The following PRDM6 variants were observed in gnomAD, a reference collection of about 807,000 sequenced individuals.
PRDM6 encodes PR/SET domain 6.
A neutral mutation model predicts 60.8 loss-of-function variants in PRDM6; 25 were observed. That is an observed-to-expected ratio of 0.41 (90% CI 0.30 to 0.57). The LOEUF (loss-of-function observed/expected upper bound fraction) is 0.57. Among genes scored for constraint, PRDM6 ranks in the 20% least tolerant of loss-of-function variants. The pLI, the probability that PRDM6 is intolerant of heterozygous loss-of-function variation, is 0.27. For missense variants in PRDM6, 839 were observed against 821.3 expected (o/e 1.02, Z -0.26); for synonymous variants, 407 against 357.4 (o/e 1.14, Z -1.57).
chr5:123,159,473 C>A (rs77177520), intron 4 of PRDM6, 41 bp from the exon 5 acceptor site: 2 of 1,546,778 alleles, frequency 1.3e-6, no homozygotes, highest in South Asian at 2.4e-5. Flanking sequence ...GCACATGAGT[C>A]CTATGTATTA....
At chr5:123,111,897 C>G (rs1264718151) in intron 3 of PRDM6, among the ~76,000 whole-genome samples, 1 of 152,098 alleles carries the variant, frequency 6.6e-6, no homozygotes, top group Non-Finnish European at 1.5e-5. Flanking sequence ...CTTGCCTTCG[C>G]CCCTGCTACA....
At chr5:123,121,183 C>T (rs1432749456) in intron 3 of PRDM6, among the ~76,000 whole-genome samples, 1 of 152,118 alleles carries the variant, frequency 6.6e-6, no homozygotes, top group Non-Finnish European at 1.5e-5. Flanking sequence ...CCACTTGGCT[C>T]CCAAGCCACC....
intron 1 of PRDM6, 88 bp from the exon 2 acceptor site, chr5:123,089,912 G>T: frequency 2.0e-6 from 2 of 984,924 alleles, no homozygotes; most frequent in South Asian, 3.4e-5. Context: ...CCACCGGCTC[G>T]GGCACTTTCT....
intron 5 of PRDM6, among the ~76,000 whole-genome samples, chr5:123,159,928 T>A (rs1765589882): frequency 6.6e-6 from 1 of 152,230 alleles, no homozygotes; most frequent in Admixed American, 6.5e-5. Context: ...GAGTACCTAC[T>A]ATGTGTCTGG....
Position 123,180,256 on chromosome 5 carries a change from C to T in PRDM6, c.1606C>T (p.Arg536Cys). 1 of 1,551,778 alleles carries T rather than the reference C, an allele frequency of 6.4e-7. No homozygotes were observed. Among genetic ancestry groups the T allele is most frequent in the Non-Finnish European group, 8.7e-7 (1 of 1,147,022 alleles). ...GCCTTTCAAGTGCGGCTACTGTGGT[C>T]GTGCCTTTGCCGGGGCCACCACCCT... ...DRPFKCGYCG[R>C]AFAGATTLNN... The change falls in exon 7 of 8, where the codon CGT becomes TGT. Residue 536 changes from arginine (R) to cysteine (C), a missense_variant. Physicochemically the swap from Arg to Cys is radical, Grantham distance 180. Around this residue, in one of 2 missense-constraint regions of PRDM6, gnomAD observed 109 missense variants for 172.6 expected, o/e 0.63. Coordinates refer to ENST00000407847, the MANE Select transcript of PRDM6 (RefSeq NM_001136239.4).
Position 123,192,428 on chromosome 5 carries a change from A to G in PRDM6, c.*5227A>G, listed in dbSNP as rs976276551. On this transcript the variant is annotated 3_prime_UTR_variant, in exon 8 of 8. Transcript: ENST00000407847. Reference sequence around the variant, plus strand: ...AGAGCTTTTAAAAATTAATAAACACAAGTATAATTTATTTATAAAATGTGT... The same window carrying G: ...AGAGCTTTTAAAAATTAATAAACACGAGTATAATTTATTTATAAAATGTGT... 16 of 152,328 alleles carry G rather than the reference A, an allele frequency of 1.1e-4. No individual in the cohort carries two copies. Among genetic ancestry groups the G allele is most frequent in the Admixed American group, 9.1e-4 (14 of 15,304 alleles). The allele number at this position is 152,328 out of a possible 1,614,324, so 9.4% of individuals were successfully genotyped here. A position where few individuals can be genotyped will look rare whatever the true frequency, so the allele number is the denominator to read the frequency against.
At position 123,100,047 on chromosome 5, in the gene PRDM6, G is replaced by C. The variant is rs532519168; in HGVS notation, c.900+86G>C. ...TTGGCCGGCAGGGAGCCTGGCCTTT[G>C]GCTGTGGCAACTGCGAAGAGAGCCT... is the stretch of plus-strand genomic sequence containing the variant. On this transcript the variant is annotated intron_variant, in intron 3 of 7. Coordinates refer to ENST00000407847, the MANE Select transcript of PRDM6 (RefSeq NM_001136239.4). 116 of 1,366,472 alleles carry C rather than the reference G, an allele frequency of 8.5e-5. 4 individuals carry two copies. The South Asian group carries it at 1.7e-3, about 20-fold the overall frequency. The allele number at this position is 1,366,472 out of a possible 1,614,324, so 84.6% of individuals were successfully genotyped here.
At chr5:123,124,000 A>G (rs1035534441) in intron 3 of PRDM6, among the ~76,000 whole-genome samples, 4 of 152,172 alleles carry the variant, frequency 2.6e-5, no homozygotes, top group Non-Finnish European at 5.9e-5. Context: ...AACGATACTC[A>G]TTAGAGTGAC....
At chr5:123,101,965 G>T (rs559071922) in intron 3 of PRDM6, among the ~76,000 whole-genome samples, 4 of 152,242 alleles carry the variant, frequency 2.6e-5, no homozygotes. Flanking sequence ...ATTGTTCAGG[G>T]CATGTGAGTT....
At chr5:123,131,217 A>G (rs993927122) in intron 3 of PRDM6, among the ~76,000 whole-genome samples, 1 of 152,118 alleles carries the variant, frequency 6.6e-6, no homozygotes, top group Non-Finnish European at 1.5e-5. Flanking sequence ...GGTTTGGTAA[A>G]TGGGCACAAA....
chr5:123,104,042 AT>A lies in PRDM6; in HGVS notation c.900+4086del, dbSNP rs1015891987. 2.5e-4 allele frequency among the ~76,000 whole-genome samples: 38 copies of A among 152,032 alleles called. 1 individual carries two copies. The highest frequency in any genetic ancestry group is 8.4e-4 in the African/African-American group (35 of 41,498). ...TTTGCACTATGTGGAAACCTTCATT[AT>A]TTTTCTTCAGAAAATCAAGGGGGAT... On this transcript the variant is annotated intron_variant, in intron 3 of 7. Coordinates refer to ENST00000407847, the MANE Select transcript of PRDM6 (RefSeq NM_001136239.4).
chr5:123,108,172 G>C (rs1410697187), intron 3 of PRDM6, among the ~76,000 whole-genome samples: 1 of 152,098 alleles, frequency 6.6e-6, no homozygotes, highest in South Asian at 2.1e-4. Context: ...AAAATGAGCA[G>C]TGTTTTTCAC....
chr5:123,112,783 C>CTTTTTTTTTTTTTTTTTTTTTT (rs537426568), intron 3 of PRDM6, among the ~76,000 whole-genome samples: 1 of 47,504 alleles, frequency 2.1e-5, no homozygotes, highest in Non-Finnish European at 3.6e-5. Context: ...TCTAATGGCT[C>CTTTTTTTTTTTTTTTTTTTTTT]TTTTTTTTTT....
chr5:123,151,317 C>G (rs996089011), intron 3 of PRDM6, among the ~76,000 whole-genome samples: 1 of 152,128 alleles, frequency 6.6e-6, no homozygotes, highest in Non-Finnish European at 1.5e-5. Flanking sequence ...GATCCCACTT[C>G]CCCCTCCCCA....
At chr5:123,176,041 A>T (rs13161780) in intron 6 of PRDM6, among the ~76,000 whole-genome samples, 1,880 of 152,252 alleles carry the variant, frequency 0.012, 18 homozygotes, top group Middle Eastern at 0.054. Flanking sequence ...CTTAAGGAGC[A>T]CCTTTCTGTT....
At chr5:123,176,153 C>T (rs993837216) in intron 6 of PRDM6, among the ~76,000 whole-genome samples, 12 of 151,940 alleles carry the variant, frequency 7.9e-5, no homozygotes, top group Admixed American at 3.3e-4. Context: ...GTTTCTCAGG[C>T]GCACTAGCCA....
chr5:123,089,892 G>T (rs947802825), intron 1 of PRDM6, 108 bp from the exon 2 acceptor site: 1 of 813,696 alleles, frequency 1.2e-6, no homozygotes, highest in African/African-American at 1.8e-5. Context: ...CCGGGCGGCC[G>T]CCGGCTGAAC....
intron 5 of PRDM6, among the ~76,000 whole-genome samples, chr5:123,163,168 A>T (rs183599642): frequency 1.6e-4 from 24 of 152,334 alleles, no homozygotes; most frequent in African/African-American, 5.5e-4. Context: ...TGCACTGAAT[A>T]AATACTGAGA....
At chr5:123,157,565 C>G (rs552480433) in intron 4 of PRDM6, among the ~76,000 whole-genome samples, 1 of 152,204 alleles carries the variant, frequency 6.6e-6, no homozygotes, top group Non-Finnish European at 1.5e-5. Flanking sequence ...TGAGCTCTCT[C>G]TGCCGATCTG....
Sources: allele counts gnomAD v4.1 joint callset (sites outside exome capture counted in the v4.1 genomes callset), GRCh38; gene constraint gnomAD v4.1.1; regional missense constraint gnomAD v4.1.1; transcripts MANE v1.5; gene names NCBI Gene and HGNC (gene_info 2026-07-23, HGNC 2026-07-21).